The following PRKCA variants were observed in gnomAD, a reference collection of about 807,000 sequenced individuals.
The protein encoded by PRKCA is protein kinase C alpha.
A neutral mutation model predicts 87.0 loss-of-function variants in PRKCA; 27 were observed. That is an observed-to-expected ratio of 0.31 (90% CI 0.23 to 0.43). The LOEUF (loss-of-function observed/expected upper bound fraction) is 0.43. Among genes scored for constraint, PRKCA ranks in the 20% least tolerant of loss-of-function variants. The pLI, the probability that PRKCA is intolerant of heterozygous loss-of-function variation, is 1.00. For missense variants in PRKCA, 518 were observed against 852.3 expected (o/e 0.61, Z 4.88); for synonymous variants, 329 against 311.1 (o/e 1.06, Z -0.61).
At chr17:66,494,680 A>G (rs1240941267) in intron 2 of PRKCA, among the ~76,000 whole-genome samples, 1 of 152,162 alleles carries the variant, frequency 6.6e-6, no homozygotes, top group East Asian at 1.9e-4. Flanking sequence ...CTGTTTTTTA[A>G]CATGTTGTTA....
At chr17:66,713,680 G>A (rs925736422) in intron 8 of PRKCA, among the ~76,000 whole-genome samples, 10 of 152,180 alleles carry the variant, frequency 6.6e-5, no homozygotes, top group South Asian at 2.1e-4. Context: ...TGATAATAGC[G>A]TGCCACCGCT....
At chr17:66,623,272 A>C (rs1330192050) in intron 3 of PRKCA, among the ~76,000 whole-genome samples, 1 of 152,238 alleles carries the variant, frequency 6.6e-6, no homozygotes, top group Admixed American at 6.5e-5. Context: ...GACCTCAGCC[A>C]GATTTTTTTT....
At chr17:66,388,754 G>A (rs1910203770) in intron 2 of PRKCA, among the ~76,000 whole-genome samples, 1 of 152,292 alleles carries the variant, frequency 6.6e-6, no homozygotes, top group Middle Eastern at 3.4e-3. Context: ...GCACTGTGGG[G>A]CAGCTGCACC....
intron 3 of PRKCA, among the ~76,000 whole-genome samples, chr17:66,596,315 G>A (rs1346748500): frequency 6.6e-6 from 1 of 152,142 alleles, no homozygotes; most frequent in Non-Finnish European, 1.5e-5. Context: ...GAACAGGGCA[G>A]GAAAAGTCAG....
At chr17:66,694,623 A>G (rs1339720655) in intron 8 of PRKCA, among the ~76,000 whole-genome samples, 1 of 151,968 alleles carries the variant, frequency 6.6e-6, no homozygotes, top group African/African-American at 2.4e-5. Flanking sequence ...CAGTTGATTG[A>G]CTACTGATTG....
intron 8 of PRKCA, among the ~76,000 whole-genome samples, chr17:66,702,059 CAG>C (rs1348016519): frequency 1.3e-5 from 2 of 152,180 alleles, no homozygotes; most frequent in East Asian, 3.9e-4. Flanking sequence ...GATATGGAAA[CAG>C]TGTGTTCATT....
chr17:66,741,417 C>T (rs951889696), intron 11 of PRKCA, among the ~76,000 whole-genome samples: 4 of 152,136 alleles, frequency 2.6e-5, no homozygotes, highest in African/African-American at 9.7e-5. Context: ...GCTACTTGTC[C>T]ACCTTCCCCA....
intron 2 of PRKCA, among the ~76,000 whole-genome samples, chr17:66,313,643 A>C (rs1427854563): frequency 6.6e-6 from 1 of 152,242 alleles, no homozygotes; most frequent in Admixed American, 6.5e-5. Context: ...AGTTATTTAA[A>C]TGCTCTATTT....
At chr17:66,741,262 T>C (rs1326181045) in intron 11 of PRKCA, among the ~76,000 whole-genome samples, 2 of 152,182 alleles carry the variant, frequency 1.3e-5, no homozygotes, top group Non-Finnish European at 2.9e-5. Context: ...CAGGGAGTAA[T>C]TGTATTGTAT....
chr17:66,769,520 A>C (rs1974885429), intron 13 of PRKCA, among the ~76,000 whole-genome samples: 1 of 152,196 alleles, frequency 6.6e-6, no homozygotes, highest in Non-Finnish European at 1.5e-5. Context: ...ATCCTTTAAC[A>C]TTCTAGTCCC....
chr17:66,659,765 T>C (rs969470443), intron 5 of PRKCA, among the ~76,000 whole-genome samples: 8 of 152,078 alleles, frequency 5.3e-5, no homozygotes, highest in Admixed American at 3.3e-4. Flanking sequence ...ACTAATGTGA[T>C]TGTTATCACA....
At chr17:66,557,157 C>G (rs577238049) in intron 3 of PRKCA, among the ~76,000 whole-genome samples, 82 of 152,194 alleles carry the variant, frequency 5.4e-4, no homozygotes, top group Non-Finnish European at 8.7e-4. Context: ...GGCTATCTAA[C>G]TTGATAATTT....
chr17:66,449,783 CAGT>C (rs376756419), intron 2 of PRKCA, among the ~76,000 whole-genome samples: 1 of 152,102 alleles, frequency 6.6e-6, no homozygotes, highest in Non-Finnish European at 1.5e-5. Context: ...AAGGTGGAGA[CAGT>C]GGTGGGAGGA....
At chr17:66,784,016 T>C (rs923572494) in intron 14 of PRKCA, among the ~76,000 whole-genome samples, 30 of 152,360 alleles carry the variant, frequency 2.0e-4, no homozygotes, top group African/African-American at 6.7e-4. Flanking sequence ...TTAATAATTT[T>C]TCAATGAGGG....
chr17:66,419,218 C>A (rs1227710033), intron 2 of PRKCA, among the ~76,000 whole-genome samples: 1 of 152,164 alleles, frequency 6.6e-6, no homozygotes. Flanking sequence ...GTGCTCAACA[C>A]TGATGTCACC....
At chr17:66,408,771 C>CGG (rs1191404931) in intron 2 of PRKCA, among the ~76,000 whole-genome samples, 1 of 151,814 alleles carries the variant, frequency 6.6e-6, no homozygotes, top group Non-Finnish European at 1.5e-5. Context: ...TGGTGGTTGT[C>CGG]GGCCGGGCGC....
At chr17:66,578,409 G>C (rs1182879215) in intron 3 of PRKCA, among the ~76,000 whole-genome samples, 1 of 152,194 alleles carries the variant, frequency 6.6e-6, no homozygotes, top group Non-Finnish European at 1.5e-5. Flanking sequence ...GGGGAATGCA[G>C]CATGAGGGAG....
In PRKCA at chr17:66,471,681, C is replaced by A. The variant is rs1414391457; in HGVS notation, c.206-24520C>A. Among the ~76,000 whole-genome samples the A allele has an allele frequency of 2.1e-5, 3 of 143,440 alleles. 1 individual carries two copies. The highest frequency in any genetic ancestry group is 3.0e-5 in the Non-Finnish European group (2 of 67,100). The allele number at this position is 143,440 out of a possible 152,430, so 94.1% of individuals were successfully genotyped here. A position where few individuals can be genotyped will look rare whatever the true frequency, so the allele number is the denominator to read the frequency against. ...TTTTTTTTGCATCTGGGATATAAAG[C>A]AACAGTGAAAGTTACTTTTTAAAAA... On this transcript the variant is annotated intron_variant, in intron 2 of 16. Coordinates refer to ENST00000413366, the MANE Select transcript of PRKCA (RefSeq NM_002737.3).
chr17:66,424,842 C>T (rs961099281), intron 2 of PRKCA, among the ~76,000 whole-genome samples: 6 of 151,886 alleles, frequency 4.0e-5, no homozygotes, highest in East Asian at 1.9e-4. Context: ...CTCAACCACC[C>T]GGGCTCAAGC....
Sources: allele counts gnomAD v4.1 joint callset (sites outside exome capture counted in the v4.1 genomes callset), GRCh38; gene constraint gnomAD v4.1.1; transcripts MANE v1.5; gene names NCBI Gene and HGNC (gene_info 2026-07-23, HGNC 2026-07-21).